The following EMILIN2 variants were observed in gnomAD, a reference collection of about 807,000 sequenced individuals.
EMILIN2 encodes elastin microfibril interfacer 2, also known as EMILIN-2.
A neutral mutation model predicts 87.1 loss-of-function variants in EMILIN2; 71 were observed. The observed-to-expected ratio is 0.82, with a 90% CI of 0.67 to 0.99. The LOEUF (loss-of-function observed/expected upper bound fraction) is 0.99, where lower values mean the gene tolerates loss of function less well. Among genes scored for constraint, EMILIN2 ranks in the 50% least tolerant of loss-of-function variants. The pLI is 0.00. For synonymous variants in EMILIN2, 581 were observed against 563.4 expected (o/e 1.03, Z -0.44); for missense variants, 1,407 against 1,371.8 (o/e 1.03, Z -0.40).
At chr18:2,856,784 A>G (rs2076629915) in intron 2 of EMILIN2, among the ~76,000 whole-genome samples, 1 of 152,170 alleles carries the variant, frequency 6.6e-6, no homozygotes, top group Non-Finnish European at 1.5e-5. Context: ...ATAACAACAA[A>G]CCACTTGATA....
chr18:2,904,559 G>T (rs534805033), intron 4 of EMILIN2, among the ~76,000 whole-genome samples: 1 of 152,126 alleles, frequency 6.6e-6, no homozygotes, highest in Non-Finnish European at 1.5e-5. Context: ...TCTGGTTTTG[G>T]CAAGTGCCTT....
intron 3 of EMILIN2, among the ~76,000 whole-genome samples, chr18:2,889,285 C>G (rs565709576): frequency 1.3e-5 from 2 of 151,594 alleles, no homozygotes; most frequent in South Asian, 2.1e-4. Flanking sequence ...TTACAGGCAC[C>G]AGCCACCACA....
chr18:2,874,896 G>GT (rs1227799711), intron 2 of EMILIN2, among the ~76,000 whole-genome samples: 1 of 152,236 alleles, frequency 6.6e-6, no homozygotes, highest in Non-Finnish European at 1.5e-5. Flanking sequence ...GGCGTGGCCT[G>GT]TTTAAGAGCT....
At chr18:2,885,195 T>C (rs2076797618) in intron 3 of EMILIN2, 56 bp downstream of exon 3, 6 of 1,495,508 alleles carry the variant, frequency 4.0e-6, no homozygotes, top group Non-Finnish European at 5.4e-6. Context: ...CCGGTGCTCC[T>C]TCAAACAACA....
intron 4 of EMILIN2, among the ~76,000 whole-genome samples, chr18:2,893,238 C>CTTGGG (rs1362230024): frequency 6.6e-6 from 1 of 152,106 alleles, no homozygotes; most frequent in Non-Finnish European, 1.5e-5. Context: ...GGCATAACAG[C>CTTGGG]TTGGGGCAGT....
intron 2 of EMILIN2, among the ~76,000 whole-genome samples, chr18:2,873,881 T>C (rs2076734814): frequency 1.3e-5 from 2 of 152,276 alleles, no homozygotes; most frequent in South Asian, 4.1e-4. Flanking sequence ...AGGCTTAGTG[T>C]CCTGCGGCCT....
At chr18:2,873,451 T>C (rs1182727395) in intron 2 of EMILIN2, among the ~76,000 whole-genome samples, 1 of 150,414 alleles carries the variant, frequency 6.6e-6, no homozygotes, top group Non-Finnish European at 1.5e-5. Context: ...CTCACGCCTA[T>C]AATCCCAGCA....
intron 2 of EMILIN2, among the ~76,000 whole-genome samples, chr18:2,873,707 A>G (rs1568463363): frequency 6.6e-6 from 1 of 151,642 alleles, no homozygotes; most frequent in Non-Finnish European, 1.5e-5. Flanking sequence ...ACTCCATCTC[A>G]AAATAAATAA....
Position 2,880,070 on chromosome 18 carries a change from A to T in EMILIN2, c.258-4894A>T, listed in dbSNP as rs1249031345. Among the ~76,000 whole-genome samples the T allele has an allele frequency of 6.6e-6, 1 of 152,158 alleles. No homozygotes were observed. Among genetic ancestry groups the T allele is most frequent in the Non-Finnish European group, 1.5e-5 (1 of 68,024 alleles). ...CAAAACCAACAGGAATTCTATCCTC[A>T]TGGGGCTTACAGTCTGGCAGGGAGG... On this transcript the variant is annotated intron_variant, in intron 2 of 7. Coordinates refer to ENST00000254528, the MANE Select transcript of EMILIN2 (RefSeq NM_032048.3). The surrounding 1 kb of genome is among the most constrained non-coding windows in gnomAD (Gnocchi z 4.1).
intron 7 of EMILIN2, among the ~76,000 whole-genome samples, chr18:2,911,930 A>C (rs1421821824): frequency 1.3e-5 from 2 of 152,068 alleles, no homozygotes; most frequent in Non-Finnish European, 2.9e-5. Flanking sequence ...AAGCATCTGG[A>C]AAGCCCTCAG....
intron 7 of EMILIN2, among the ~76,000 whole-genome samples, chr18:2,912,615 C>T (rs1169256949): frequency 1.3e-5 from 2 of 152,184 alleles, no homozygotes; most frequent in African/African-American, 4.8e-5. Flanking sequence ...GGCTGAGTAT[C>T]AGTGCTCACT....
intron 4 of EMILIN2, among the ~76,000 whole-genome samples, chr18:2,899,012 A>AC (rs1247056667): frequency 6.6e-6 from 1 of 152,096 alleles, no homozygotes; most frequent in Non-Finnish European, 1.5e-5. Flanking sequence ...TTAGCCTTGA[A>AC]CTTAGAGCTG....
intron 4 of EMILIN2, 44 bp from the exon 5 acceptor site, chr18:2,906,739 G>T: frequency 8.1e-7 from 1 of 1,240,728 alleles, no homozygotes; most frequent in East Asian, 3.2e-5. Flanking sequence ...TCAGGGCTGA[G>T]GTTTCCTAAT....
intron 2 of EMILIN2, among the ~76,000 whole-genome samples, chr18:2,851,521 G>A (rs57835534): frequency 0.018 from 2,723 of 152,230 alleles, 107 homozygotes; most frequent in African/African-American, 0.062. Flanking sequence ...GGGTGAAACC[G>A]CTGGGAAATG....
upstream of EMILIN2, chr18:2,846,884 G>A (rs1299909987): frequency 2.1e-5 from 21 of 988,382 alleles, no homozygotes; most frequent in Non-Finnish European, 2.5e-5. The surrounding 1 kb of genome is among the most constrained non-coding windows in gnomAD (Gnocchi z 5.3). Context: ...GACTGGAGAC[G>A]GGGAGACTTG....
rs2076577972 is a variant in EMILIN2 at position 2,847,086 on chromosome 18, T to A, written c.-103T>A. On this transcript the variant is annotated 5_prime_UTR_variant, in exon 1 of 8. Coordinates refer to ENST00000254528, the MANE Select transcript of EMILIN2 (RefSeq NM_032048.3). The surrounding 1 kb of genome is among the most constrained non-coding windows in gnomAD (Gnocchi z 4.5). ...AGCGCCGCGAAGCGCCCGAGCCTCT[T>A]GCCTTCGCGGGCGGCGCCCTGGCCG... 4 of 1,077,484 alleles carry A rather than the reference T, an allele frequency of 3.7e-6. No homozygotes were observed. In the East Asian group the frequency reaches 4.1e-4, roughly 110 times the overall value. The allele number at this position is 1,077,484 out of a possible 1,614,324, so 66.7% of individuals were successfully genotyped here.
intron 3 of EMILIN2, among the ~76,000 whole-genome samples, chr18:2,885,587 C>T (rs1460469722): frequency 2.0e-5 from 3 of 152,180 alleles, no homozygotes; most frequent in Non-Finnish European, 2.9e-5. Flanking sequence ...GGCGCAATCT[C>T]GGTTCACTGC....
At chr18:2,907,433 C>T in intron 5 of EMILIN2, among the ~76,000 whole-genome samples, 1 of 152,202 alleles carries the variant, frequency 6.6e-6, no homozygotes. Context: ...GCAGGTGGCA[C>T]AGCAGCGTGG....
At chr18:2,884,011 A>G (rs570025003) in intron 2 of EMILIN2, among the ~76,000 whole-genome samples, 30 of 152,236 alleles carry the variant, frequency 2.0e-4, no homozygotes, top group African/African-American at 6.3e-4. Context: ...GCTGGAGTGC[A>G]GTGGCGCGAT....
Sources: gnomAD v4.1 joint callset for allele counts (sites outside exome capture counted in the v4.1 genomes callset) on GRCh38, gnomAD v4.1.1 for gene constraint, Gnocchi (gnomAD v3.1) non-coding constraint, MANE v1.5 for transcripts, NCBI Gene and HGNC (gene_info 2026-07-23, HGNC 2026-07-21) for gene names.